The following DCBLD1 variants were observed in gnomAD, a reference collection of about 807,000 sequenced individuals.
DCBLD1 encodes discoidin, CUB and LCCL domain-containing protein 1.
A neutral mutation model predicts 71.5 loss-of-function variants in DCBLD1; 57 were observed. That is an observed-to-expected ratio of 0.80 (90% CI 0.64 to 0.99). DCBLD1 has a LOEUF of 0.99. Ranked by LOEUF, DCBLD1 falls within the 50% of genes least tolerant of loss-of-function variation. The pLI, the probability that DCBLD1 is intolerant of heterozygous loss-of-function variation, is 0.00. For missense variants in DCBLD1, 891 were observed against 923.5 expected, an observed-to-expected ratio of 0.96 and a Z score of 0.46; for synonymous variants, 380 against 363.8, an observed-to-expected ratio of 1.04 and a Z score of -0.51.
chr6:117,482,796 C>G lies in DCBLD1; in HGVS notation c.15C>G (p.Ala5=). The change falls in exon 1 of 15, where the codon GCC becomes GCG. Residue 5 remains alanine, a synonymous_variant. Transcript: ENST00000338728. MVPG[A]RGGGALARAA... The stretch of plus-strand genomic sequence containing the variant: ...CCAGCGGGGTCATGGTGCCCGGCGC[C>G]CGCGGCGGCGGCGCACTGGCGCGGG... 8.7e-7 allele frequency: 1 copy of G among 1,147,828 alleles called. No homozygotes were observed. Among genetic ancestry groups the G allele is most frequent in the East Asian group, 4.3e-5 (1 of 23,442 alleles). 71.1% of individuals were successfully genotyped at this position (1,147,828 alleles called of 1,614,324 possible).
chr6:117,556,599 ATTTTCT>A (rs1779498508), intron 14 of DCBLD1, among the ~76,000 whole-genome samples: 1 of 151,970 alleles, frequency 6.6e-6, no homozygotes, highest in Non-Finnish European at 1.5e-5. Context: ...TATTTACCAC[ATTTTCT>A]TTATCCAGTC....
intron 1 of DCBLD1, among the ~76,000 whole-genome samples, chr6:117,485,640 T>C (rs542766797): frequency 6.6e-6 from 1 of 152,346 alleles, no homozygotes; most frequent in African/African-American, 2.4e-5. Context: ...TTTGTCTTCC[T>C]AGTATCTGAC....
intron 1 of DCBLD1, chr6:117,485,149 G>T (rs1284883492): frequency 6.6e-6 from 1 of 152,112 alleles, no homozygotes; most frequent in Non-Finnish European, 1.5e-5. Context: ...TTTGGATTTA[G>T]TCCAAATTTA....
Position 117,548,115 on chromosome 6 carries a change from C to T in DCBLD1, c.1824C>T (p.His608=), listed in dbSNP as rs1295120963. The change falls in exon 15 of 15, where the codon CAC becomes CAT. Residue 608 remains histidine, a synonymous_variant. Transcript: ENST00000338728. ...PEYATPIVER[H]VLRAHTFSAQ... ...ACGCCACGCCCATCGTGGAGCGGCA[C>T]GTGCTGCGCGCCCACACGTTCTCTG... 1.3e-6 allele frequency: 2 copies of T among 1,549,750 alleles called. No individual in the cohort carries two copies. Among genetic ancestry groups the T allele is most frequent in the Non-Finnish European group, 1.7e-6 (2 of 1,146,568 alleles).
intron 1 of DCBLD1, among the ~76,000 whole-genome samples, chr6:117,497,323 T>G (rs1777504778): frequency 6.6e-6 from 1 of 152,244 alleles, no homozygotes; most frequent in Admixed American, 6.5e-5. Context: ...CAGAACTTAG[T>G]CCATACCAGG....
intron 1 of DCBLD1, among the ~76,000 whole-genome samples, chr6:117,498,633 T>C (rs1310072879): frequency 6.6e-6 from 1 of 152,174 alleles, no homozygotes; most frequent in African/African-American, 2.4e-5. Flanking sequence ...AGATGGATCT[T>C]TATTTCTTTT....
At chr6:117,562,854 T>C (rs1436189985) in intron 14 of DCBLD1, 1 of 218,462 alleles carries the variant, frequency 4.6e-6, no homozygotes, top group East Asian at 6.9e-5. Flanking sequence ...TTCTAGAATA[T>C]AAAATATGAA....
intron 1 of DCBLD1, among the ~76,000 whole-genome samples, chr6:117,491,908 A>G (rs1316347442): frequency 6.6e-6 from 1 of 152,206 alleles, no homozygotes; most frequent in Non-Finnish European, 1.5e-5. Context: ...TTTGACCTAA[A>G]GACTCGATTA....
At chr6:117,526,013 G>A (rs1470460729) in intron 5 of DCBLD1, among the ~76,000 whole-genome samples, 1 of 152,116 alleles carries the variant, frequency 6.6e-6, no homozygotes, top group African/African-American at 2.4e-5. Context: ...GCTATTTGAA[G>A]TAGTTGGGTT....
At chr6:117,487,768 G>A (rs1281311970) in intron 1 of DCBLD1, among the ~76,000 whole-genome samples, 2 of 152,190 alleles carry the variant, frequency 1.3e-5, no homozygotes, top group East Asian at 1.9e-4. Flanking sequence ...TGGCATTGAG[G>A]GTGAAGGGAA....
At chr6:117,523,204 G>A (rs1778440290) in intron 4 of DCBLD1, among the ~76,000 whole-genome samples, 2 of 152,138 alleles carry the variant, frequency 1.3e-5, no homozygotes, top group South Asian at 4.1e-4. Flanking sequence ...TTACAGGGTG[G>A]CATTATGGTG....
At chr6:117,511,066 A>AGCAG (rs2114454963) in intron 2 of DCBLD1, among the ~76,000 whole-genome samples, 1 of 152,248 alleles carries the variant, frequency 6.6e-6, no homozygotes, top group Non-Finnish European at 1.5e-5. Context: ...TGGGCATTTG[A>AGCAG]GGCCCTGCTC....
intron 1 of DCBLD1, among the ~76,000 whole-genome samples, chr6:117,496,852 T>C (rs1384928774): frequency 6.6e-6 from 1 of 152,174 alleles, no homozygotes; most frequent in Non-Finnish European, 1.5e-5. Context: ...TCACAGTGCA[T>C]TACATGTAAT....
At chr6:117,493,942 TTGTA>T (rs1292679691) in intron 1 of DCBLD1, among the ~76,000 whole-genome samples, 5 of 152,192 alleles carry the variant, frequency 3.3e-5, no homozygotes, top group Non-Finnish European at 4.4e-5. Context: ...AAATTACTCT[TTGTA>T]TGTGTGTATC....
intron 14 of DCBLD1, chr6:117,563,118 T>C (rs146831122): frequency 2.6e-4 from 192 of 727,580 alleles, no homozygotes; most frequent in African/African-American, 1.9e-3. Context: ...ATTGTTCACA[T>C]GAAGCCCTGA....
In DCBLD1 at chr6:117,540,658, C is replaced by A. The variant is rs117895826; in HGVS notation, c.1102-10C>A. On this transcript the variant is annotated splice_polypyrimidine_tract_variant and intron_variant, in intron 9 of 14. Transcript: ENST00000338728. ...TAGAATCTTAAGGTAAACATAATTT[C>A]CTTCTATAGGTGTTTCAGGGTAACT... 454 of 1,613,998 alleles carry A rather than the reference C, an allele frequency of 2.8e-4. 3 individuals are homozygous for A. The East Asian group carries it at 9.7e-3, about 35-fold the overall frequency.
rs1396492674 is a variant in DCBLD1 at position 117,537,177 on chromosome 6, T to C, written c.720-8T>C. ...CTTACCTTCTCATGTTTGTCTTTAT[T>C]GTTTCAGTGGTTCCCTGTCAGACAA... is the stretch of plus-strand genomic sequence containing the variant. On this transcript the variant is annotated splice_polypyrimidine_tract_variant and splice_region_variant and intron_variant, in intron 6 of 14. Coordinates refer to ENST00000338728, the MANE Select transcript of DCBLD1 (RefSeq NM_001366458.2). 6.2e-7 allele frequency: 1 copy of C among 1,613,944 alleles called. No homozygotes were observed. The highest frequency in any genetic ancestry group is 2.2e-5 in the East Asian group (1 of 44,876).
intron 14 of DCBLD1, among the ~76,000 whole-genome samples, chr6:117,546,750 C>T (rs912781793): frequency 6.6e-6 from 1 of 152,148 alleles, no homozygotes; most frequent in Non-Finnish European, 1.5e-5. Flanking sequence ...TCCAGCAGTG[C>T]CCTTCCCTGC....
intron 2 of DCBLD1, among the ~76,000 whole-genome samples, chr6:117,513,696 T>C (rs775234112): frequency 6.6e-6 from 1 of 152,202 alleles, no homozygotes. Flanking sequence ...CAAACATCCA[T>C]GCAAAACTGT....
Sources: gnomAD v4.1 joint callset for allele counts (sites outside exome capture counted in the v4.1 genomes callset) on GRCh38, gnomAD v4.1.1 for gene constraint, MANE v1.5 for transcripts, NCBI Gene and HGNC (gene_info 2026-07-23, HGNC 2026-07-21) for gene names.